Variants in HCRTR2 observed in about 807,000 individuals in gnomAD.
HCRTR2 encodes hypocretin receptor 2.
Under a neutral mutation model 49.0 loss-of-function variants are expected in HCRTR2, and 22 were observed. The observed-to-expected ratio is 0.45, with a 90% CI of 0.32 to 0.64. The LOEUF is 0.64. Ranked by LOEUF, HCRTR2 falls within the 30% of genes least tolerant of loss-of-function variation. The probability of loss-of-function intolerance (pLI) is 0.04; values close to 1 mark genes in which losing one functional copy is unlikely to be tolerated. For synonymous variants in HCRTR2, 236 were observed against 205.3 expected, an observed-to-expected ratio of 1.15 and a Z score of -1.28; for missense variants, 491 against 559.4, an observed-to-expected ratio of 0.88 and a Z score of 1.23.
At chr6:55,153,511 T>G (rs1764689613) in intron 1 of HCRTR2, among the ~76,000 whole-genome samples, 1 of 152,070 alleles carries the variant, frequency 6.6e-6, no homozygotes, top group Non-Finnish European at 1.5e-5. Context: ...CATACTCTCA[T>G]GGAACCATCA....
intron 1 of HCRTR2, among the ~76,000 whole-genome samples, chr6:55,234,958 G>A (rs191392981): frequency 3.9e-5 from 6 of 152,186 alleles, no homozygotes; most frequent in African/African-American, 7.2e-5. Flanking sequence ...TCCATCAATT[G>A]TAGAGTATTT....
intron 1 of HCRTR2, among the ~76,000 whole-genome samples, chr6:55,122,982 G>T: frequency 8.9e-6 from 1 of 112,814 alleles, no homozygotes; most frequent in Admixed American, 1.1e-4. Flanking sequence ...TGGGGGGAGG[G>T]GGAAGGGATA....
rs974824944 is a variant in HCRTR2, at chr6:55,132,737, C to G, written c.-378+26192C>G. 3.9e-5 allele frequency among the ~76,000 whole-genome samples: 5 copies of G among 127,952 alleles called. No homozygotes were observed. The Admixed American group carries it at 3.9e-4, about 10-fold the overall frequency. The allele number at this position is 127,952 out of a possible 152,430, so 83.9% of individuals were successfully genotyped here. On this transcript the variant is annotated intron_variant, in intron 1 of 7. Transcript: ENST00000615358. The stretch of plus-strand genomic sequence containing the variant: ...TCAGACCAACTCCATTTATACCTCT[C>G]CCTCTCTCTCTCTCTTTTTTTTTTT...
intron 1 of HCRTR2, among the ~76,000 whole-genome samples, chr6:55,121,194 C>T (rs571008149): frequency 5.1e-4 from 78 of 152,152 alleles, no homozygotes; most frequent in Non-Finnish European, 1.0e-3. Context: ...CTTCACATCC[C>T]TTGTAAGTTG....
chr6:55,206,908 G>A (rs1765611909), intron 1 of HCRTR2, among the ~76,000 whole-genome samples: 1 of 151,952 alleles, frequency 6.6e-6, no homozygotes, highest in South Asian at 2.1e-4. Context: ...GATTTATCAT[G>A]CAGTGAAAAA....
rs72977418 is a variant in HCRTR2 at position 55,158,627 on chromosome 6, C to T, written c.-377-15584C>T. ...TGCTTGAGCTTGGTGGAGAGAGGGA[C>T]GTCCACCATTACTGAGGTTTGAGTA... is the stretch of plus-strand genomic sequence containing the variant. On this transcript the variant is annotated intron_variant, in intron 1 of 7. Transcript: ENST00000615358. 4.4e-3 allele frequency among the ~76,000 whole-genome samples: 665 copies of T among 152,180 alleles called. 7 individuals are homozygous for T. The highest frequency in any genetic ancestry group is 0.015 in the African/African-American group (619 of 41,528).
intron 2 of HCRTR2, among the ~76,000 whole-genome samples, chr6:55,250,945 AG>A (rs1030806826): frequency 4.6e-5 from 7 of 152,140 alleles, no homozygotes; most frequent in African/African-American, 1.4e-4. Flanking sequence ...CTTGATGGAA[AG>A]GTGTAAATGC....
chr6:55,176,161 G>T (rs1765036509), intron 1 of HCRTR2, among the ~76,000 whole-genome samples: 1 of 152,190 alleles, frequency 6.6e-6, no homozygotes, highest in Non-Finnish European at 1.5e-5. Flanking sequence ...AACTCAGCAG[G>T]CAGAATAGAT....
intron 1 of HCRTR2, among the ~76,000 whole-genome samples, chr6:55,202,778 G>A (rs1357142232): frequency 6.6e-6 from 1 of 152,054 alleles, no homozygotes; most frequent in Non-Finnish European, 1.5e-5. Context: ...GGGGAGGTTG[G>A]TAAACATTCA....
chr6:55,241,780 T>C (rs540385456), intron 1 of HCRTR2, among the ~76,000 whole-genome samples: 1 of 152,076 alleles, frequency 6.6e-6, no homozygotes, highest in East Asian at 1.9e-4. Flanking sequence ...ATTTTCATTC[T>C]GTATTGAAGG....
chr6:55,110,048 G>C (rs1324599399), intron 1 of HCRTR2, among the ~76,000 whole-genome samples: 1 of 152,076 alleles, frequency 6.6e-6, no homozygotes, highest in Non-Finnish European at 1.5e-5. Context: ...CAAGATAGAA[G>C]GGATTGGGGT....
intron 1 of HCRTR2, among the ~76,000 whole-genome samples, chr6:55,207,669 C>T (rs1341856216): frequency 1.3e-5 from 2 of 152,112 alleles, no homozygotes; most frequent in Non-Finnish European, 2.9e-5. Flanking sequence ...ATGATATAAC[C>T]TCCTAAACAC....
At chr6:55,222,627 T>C (rs1363062780) in intron 1 of HCRTR2, among the ~76,000 whole-genome samples, 1 of 152,174 alleles carries the variant, frequency 6.6e-6, no homozygotes, top group East Asian at 1.9e-4. Context: ...TCTTATAATA[T>C]GCTGCAACAT....
chr6:55,134,458 G>A (rs954262997), intron 1 of HCRTR2, among the ~76,000 whole-genome samples: 5 of 151,726 alleles, frequency 3.3e-5, no homozygotes, highest in African/African-American at 1.2e-4. Flanking sequence ...TACCATTTGT[G>A]TGTGTGTGTG....
intron 1 of HCRTR2, among the ~76,000 whole-genome samples, chr6:55,230,633 T>C (rs926317347): frequency 1.3e-5 from 2 of 152,180 alleles, no homozygotes; most frequent in Non-Finnish European, 2.9e-5. Flanking sequence ...GATAAACAGA[T>C]TTATGGGACT....
chr6:55,183,342 C>T (rs1256690554), intron 1 of HCRTR2, among the ~76,000 whole-genome samples: 1 of 152,016 alleles, frequency 6.6e-6, no homozygotes, highest in Non-Finnish European at 1.5e-5. Flanking sequence ...ATGTTCTAAG[C>T]AGAGGAAACA....
intron 1 of HCRTR2, among the ~76,000 whole-genome samples, chr6:55,157,286 A>C (rs923596673): frequency 6.6e-6 from 1 of 152,254 alleles, no homozygotes; most frequent in African/African-American, 2.4e-5. Context: ...GCATCAAAAA[A>C]GCATGAAAAT....
chr6:55,180,459 C>G (rs1765112163), intron 1 of HCRTR2, among the ~76,000 whole-genome samples: 1 of 152,204 alleles, frequency 6.6e-6, no homozygotes, highest in South Asian at 2.1e-4. Context: ...TACAGTTCTT[C>G]AGCTCTGAGG....
At chr6:55,188,018 G>A (rs1481577742) in intron 1 of HCRTR2, among the ~76,000 whole-genome samples, 3 of 151,654 alleles carry the variant, frequency 2.0e-5, no homozygotes, top group Non-Finnish European at 2.9e-5. Flanking sequence ...TCCTGACCTC[G>A]TGATCCACCC....
Sources: allele counts gnomAD v4.1 joint callset (sites outside exome capture counted in the v4.1 genomes callset), GRCh38; gene constraint gnomAD v4.1.1; transcripts MANE v1.5; gene names NCBI Gene and HGNC (gene_info 2026-07-23, HGNC 2026-07-21).